VPS13B: variants seen among roughly 807,000 people sequenced by gnomAD.
VPS13B encodes intermembrane lipid transfer protein VPS13B.
In VPS13B, 285 loss-of-function variants were observed where a neutral mutation model predicts 426.4. That is an observed-to-expected ratio of 0.67 (90% CI 0.61 to 0.74). The LOEUF (loss-of-function observed/expected upper bound fraction) is 0.74, where lower values mean the gene tolerates loss of function less well. Among genes scored for constraint, VPS13B ranks in the 30% least tolerant of loss-of-function variants. VPS13B has a pLI of 0.00. For synonymous variants in VPS13B, 1,676 were observed against 1,676.4 expected (o/e 1.00, Z 0.01); for missense variants, 4,537 against 4,782.6 (o/e 0.95, Z 1.51).
chr8:99,596,664 G>A (rs1033063215), intron 33 of VPS13B, among the ~76,000 whole-genome samples: 6 of 152,018 alleles, frequency 3.9e-5, no homozygotes, highest in East Asian at 1.9e-4. Context: ...CTGACGTTGC[G>A]TGTAGCAGTT....
At chr8:99,862,280 G>A (rs191445291) in intron 58 of VPS13B, among the ~76,000 whole-genome samples, 3 of 152,320 alleles carry the variant, frequency 2.0e-5, no homozygotes, top group African/African-American at 7.2e-5. Context: ...AGAACGTGAT[G>A]GGCAACGCTT....
At chr8:99,776,379 G>A (rs999066816) in intron 40 of VPS13B, among the ~76,000 whole-genome samples, 1 of 152,124 alleles carries the variant, frequency 6.6e-6, no homozygotes, top group East Asian at 1.9e-4. Flanking sequence ...TGCAGTGCAC[G>A]ACAGCCTTGA....
rs1390952529 is a variant in VPS13B, at chr8:99,079,644, T to C, written c.292-16668T>C. 4.6e-5 allele frequency among the ~76,000 whole-genome samples: 7 copies of C among 152,332 alleles called. No individual in the cohort carries two copies. The South Asian group carries it at 1.2e-3, about 27-fold the overall frequency. ...TGAGTTGAAGTTTATGTACATTGAT[T>C]TTCCCCTTAATATAAAATTGTTTTT... On this transcript the variant is annotated intron_variant, in intron 3 of 61. Transcript: ENST00000357162.
rs114400036 is a variant in VPS13B at position 99,594,455 on chromosome 8, C to T, written c.5220+16822C>T. On this transcript the variant is annotated intron_variant, in intron 33 of 61. Coordinates refer to ENST00000357162, the MANE Select transcript of VPS13B (RefSeq NM_152564.5). The stretch of plus-strand genomic sequence containing the variant: ...ATAAGAACTCAATAAAAGCCATCAC[C>T]ATCATTGTCATCTCATCTAGAGATC... 1.6e-3 allele frequency among the ~76,000 whole-genome samples: 238 copies of T among 152,056 alleles called. 4 individuals are homozygous for T. The highest frequency in any genetic ancestry group is 5.6e-3 in the African/African-American group (231 of 41,482).
intron 33 of VPS13B, 92 bp downstream of exon 33, chr8:99,577,725 G>A (rs909377984): frequency 8.9e-6 from 13 of 1,458,984 alleles, no homozygotes; most frequent in Non-Finnish European, 1.2e-5. Context: ...ACTGCTTTCT[G>A]CTTAATTATT....
At chr8:99,269,679 T>C (rs1818477103) in intron 17 of VPS13B, among the ~76,000 whole-genome samples, 1 of 152,202 alleles carries the variant, frequency 6.6e-6, no homozygotes, top group Non-Finnish European at 1.5e-5. Context: ...CCACATTGCT[T>C]CCCTAATAGT....
At chr8:99,661,917 TG>T (rs1830242522) in intron 35 of VPS13B, among the ~76,000 whole-genome samples, 1 of 152,182 alleles carries the variant, frequency 6.6e-6, no homozygotes, top group South Asian at 2.1e-4. Context: ...AGATTAGATT[TG>T]ATAGTTAAAT....
intron 4 of VPS13B, 121 bp downstream of exon 4, chr8:99,096,553 T>G: frequency 7.2e-7 from 1 of 1,387,900 alleles, no homozygotes; most frequent in South Asian, 1.2e-5. Flanking sequence ...GTCAGGAGTT[T>G]GAGACCAGCC....
chr8:99,843,347 A>G (rs1815808546), intron 54 of VPS13B, among the ~76,000 whole-genome samples: 1 of 152,152 alleles, frequency 6.6e-6, no homozygotes, highest in African/African-American at 2.4e-5. Context: ...ATTCTGTGAT[A>G]ACAAACAGCT....
chr8:99,275,073 CT>C lies in VPS13B; in HGVS notation c.2651-4del. 1 of 1,591,596 alleles carries C rather than the reference CT, an allele frequency of 6.3e-7. No homozygotes were observed. ...TTTTATTATTGTTTTATAAATATTT[CT>C]TTTCAGTTGATAGTGGAAAAGAGAA... On this transcript the variant is annotated splice_polypyrimidine_tract_variant and splice_region_variant and intron_variant, in intron 18 of 61. Coordinates refer to ENST00000357162, the MANE Select transcript of VPS13B (RefSeq NM_152564.5).
At chr8:99,675,830 G>C (rs1830911503) in intron 35 of VPS13B, among the ~76,000 whole-genome samples, 1 of 151,692 alleles carries the variant, frequency 6.6e-6, no homozygotes, top group African/African-American at 2.4e-5. Context: ...TCTCATTCTG[G>C]TCATTTATTG....
At chr8:99,239,984 T>C (rs919010920) in intron 17 of VPS13B, among the ~76,000 whole-genome samples, 3 of 152,200 alleles carry the variant, frequency 2.0e-5, no homozygotes, top group Non-Finnish European at 4.4e-5. Flanking sequence ...ATCAGATTAA[T>C]GTAACTTCTA....
chr8:99,333,595 A>G (rs760143880), intron 19 of VPS13B, among the ~76,000 whole-genome samples: 2 of 151,902 alleles, frequency 1.3e-5, no homozygotes, highest in Non-Finnish European at 2.9e-5. Context: ...TAGTCAAGAT[A>G]CAGAATAGTT....
At chr8:99,716,936 A>G (rs768307740) in intron 36 of VPS13B, among the ~76,000 whole-genome samples, 6 of 152,204 alleles carry the variant, frequency 3.9e-5, no homozygotes, top group Admixed American at 6.5e-5. Context: ...ATGCTCACAC[A>G]TGGAAAAAGT....
chr8:99,474,873 A>G (rs1819611999), intron 24 of VPS13B, among the ~76,000 whole-genome samples: 1 of 152,162 alleles, frequency 6.6e-6, no homozygotes, highest in Non-Finnish European at 1.5e-5. Flanking sequence ...ATATATATCC[A>G]CAAAAGGTCT....
rs879366734 is a variant in VPS13B at position 99,029,411 on chromosome 8, G to A, written c.148-9012G>A. Among the ~76,000 whole-genome samples, 419 of 152,120 alleles carry A rather than the reference G, an allele frequency of 2.8e-3. 1 individual carries two copies. Among genetic ancestry groups the A allele is most frequent in the Non-Finnish European group, 5.1e-3 (346 of 67,928 alleles). ...AGAGGCTGCAATCTCGGCTCTTTGG[G>A]AGGCCAAGGCAGGCGGCTGGGAGGT... On this transcript the variant is annotated intron_variant, in intron 2 of 61. Coordinates refer to ENST00000357162, the MANE Select transcript of VPS13B (RefSeq NM_152564.5).
intron 40 of VPS13B, among the ~76,000 whole-genome samples, chr8:99,771,078 T>C (rs1051245957): frequency 6.6e-6 from 1 of 152,222 alleles, no homozygotes; most frequent in Non-Finnish European, 1.5e-5. Flanking sequence ...AGAGAGCTAA[T>C]TCCAGAAATA....
At chr8:99,552,785 CTATAGTACAA>C (rs1824352086) in intron 30 of VPS13B, among the ~76,000 whole-genome samples, 1 of 152,098 alleles carries the variant, frequency 6.6e-6, no homozygotes, top group African/African-American at 2.4e-5. Context: ...TCTTGTATAA[CTATAGTACAA>C]TATCAAGACC....
At chr8:99,318,734 G>C (rs1385479295) in intron 19 of VPS13B, among the ~76,000 whole-genome samples, 1 of 152,040 alleles carries the variant, frequency 6.6e-6, no homozygotes, top group African/African-American at 2.4e-5. Flanking sequence ...TGATGGCCAG[G>C]CTGGTCTTAA....
Sources: allele counts gnomAD v4.1 joint callset (sites outside exome capture counted in the v4.1 genomes callset), GRCh38; gene constraint gnomAD v4.1.1; transcripts MANE v1.5; gene names NCBI Gene and HGNC (gene_info 2026-07-23, HGNC 2026-07-21).